ANAPC1: variants seen among roughly 807,000 people sequenced by gnomAD.
ANAPC1 encodes the protein anaphase-promoting complex subunit 1.
ANAPC1 carries 36 observed loss-of-function variants against 208.0 expected under a neutral mutation model. The observed-to-expected ratio is 0.17, with a 90% confidence interval of 0.13 to 0.23. The LOEUF (loss-of-function observed/expected upper bound fraction) is 0.23. Ranked by LOEUF, ANAPC1 falls within the 10% of genes least tolerant of loss-of-function variation. ANAPC1 has a pLI of 1.00. For missense variants in ANAPC1, 942 were observed against 2,011.6 expected (o/e 0.47, Z 10.17); for synonymous variants, 378 against 695.2 (o/e 0.54, Z 7.18).
intron 3 of ANAPC1, among the ~76,000 whole-genome samples, chr2:111,877,726 G>C (rs942896116): frequency 2.6e-5 from 4 of 152,198 alleles, no homozygotes; most frequent in Admixed American, 6.5e-5. Flanking sequence ...AGAGCTTGCA[G>C]TGAGCTGAGA....
intron 21 of ANAPC1, among the ~76,000 whole-genome samples, chr2:111,830,861 A>C (rs1323894953): frequency 6.6e-6 from 1 of 152,224 alleles, no homozygotes; most frequent in South Asian, 2.1e-4. Context: ...TATAAACTTA[A>C]CTATATGACC....
intron 18 of ANAPC1, among the ~76,000 whole-genome samples, chr2:111,837,871 C>A (rs866254341): frequency 1.3e-5 from 2 of 151,630 alleles, no homozygotes; most frequent in African/African-American, 4.8e-5. Flanking sequence ...GGTCACTTGA[C>A]GTCAGGAGTT....
At chr2:111,873,702 A>G (rs775276763) in intron 3 of ANAPC1, 38 bp from the exon 4 acceptor site, 2 of 1,541,040 alleles carry the variant, frequency 1.3e-6, no homozygotes, top group Non-Finnish European at 1.7e-6. Context: ...AGAAAATTAT[A>G]TCTAAATAAT....
chr2:111,879,687 A>G (rs1683197451), intron 2 of ANAPC1, among the ~76,000 whole-genome samples: 1 of 151,960 alleles, frequency 6.6e-6, no homozygotes, highest in African/African-American at 2.4e-5. Flanking sequence ...CCTGACCAAC[A>G]TGGAGAAATC....
chr2:111,868,007 A>T lies in ANAPC1; in HGVS notation c.685+16T>A. The T allele has an allele frequency of 1.9e-6, 3 of 1,551,064 alleles. No homozygotes were observed. The highest frequency in any genetic ancestry group is 2.6e-6 in the Non-Finnish European group (3 of 1,145,436). ...AAAAAAAGAGCTTATCTAAAAGAAT[A>T]TAGAAATACACTTACTTCCAGATTT... On this transcript the variant is annotated intron_variant, in intron 7 of 47. Transcript: ENST00000341068.
intron 13 of ANAPC1, 108 bp from the exon 14 acceptor site, chr2:111,851,018 G>A: frequency 7.6e-7 from 1 of 1,308,288 alleles, no homozygotes; most frequent in East Asian, 2.6e-5. Context: ...ATATTTCTAA[G>A]TTTATACTCA....
Position 111,878,925 on chromosome 2 carries a change from A to G in ANAPC1, c.260T>C (p.Val87Ala), listed in dbSNP as rs760187220. ...RKGVSEIGED[V>A]DYDEELYVAG... ...AACATAGAGTTCCTCATCATAGTCC[A>G]CATCTTCTCCAATTTCACTTACTCC... is the stretch of plus-strand genomic sequence containing the variant. Residue 87 changes from valine (V) to alanine (A), a missense_variant, in exon 3 of 48, where the codon GTG becomes GCG. Transcript: ENST00000341068. 1 of 1,587,396 alleles carries G rather than the reference A, an allele frequency of 6.3e-7. No individual in the cohort carries two copies. The highest frequency in any genetic ancestry group is 8.5e-7 in the Non-Finnish European group (1 of 1,172,516).
chr2:111,797,971 C>T (rs1354167033), intron 34 of ANAPC1, among the ~76,000 whole-genome samples: 2 of 126,016 alleles, frequency 1.6e-5, no homozygotes, highest in Non-Finnish European at 3.3e-5. Context: ...GAAAGCAGGT[C>T]TATCTGCGCC....
intron 2 of ANAPC1, among the ~76,000 whole-genome samples, chr2:111,880,228 T>C (rs1030857636): frequency 4.0e-5 from 6 of 151,260 alleles, no homozygotes; most frequent in Non-Finnish European, 5.9e-5. Flanking sequence ...ACAAAATTAG[T>C]AGGGGTGGTG....
chr2:111,784,242 C>T, intron 41 of ANAPC1, 81 bp downstream of exon 41: 1 of 1,612,182 alleles, frequency 6.2e-7, no homozygotes, highest in East Asian at 2.2e-5. Context: ...AAAGCTGAGG[C>T]TTTTATTTAG....
chr2:111,847,569 G>A (rs942604665), intron 15 of ANAPC1, among the ~76,000 whole-genome samples, 156 bp downstream of exon 15: 6 of 152,138 alleles, frequency 3.9e-5, no homozygotes, highest in Non-Finnish European at 7.3e-5. Flanking sequence ...CAGAATTACT[G>A]TATAGTAAAA....
intron 16 of ANAPC1, among the ~76,000 whole-genome samples, chr2:111,846,559 A>ATATATATAT (rs1553430004): frequency 6.5e-5 from 3 of 46,266 alleles, no homozygotes; most frequent in African/African-American, 2.4e-4. Flanking sequence ...ATATATATAT[A>ATATATATAT]TTTTTTTTTT....
intron 37 of ANAPC1, among the ~76,000 whole-genome samples, chr2:111,792,769 G>T (rs1573335980): frequency 6.6e-6 from 1 of 151,830 alleles, no homozygotes; most frequent in Admixed American, 6.6e-5. Flanking sequence ...CGGCTAACAT[G>T]GTGAAACCCC....
chr2:111,792,842 G>A (rs1210790713), intron 37 of ANAPC1, among the ~76,000 whole-genome samples: 4 of 152,072 alleles, frequency 2.6e-5, no homozygotes, highest in Admixed American at 2.0e-4. Context: ...GGTCCCAGCT[G>A]CTCGGGAGGC....
rs1682816783 is a variant in ANAPC1, at chr2:111,872,656, T to A, written c.585A>T (p.Ser195=). Residue 195 remains serine (S), a synonymous_variant, in exon 6 of 48, where the codon TCA becomes TCT. Coordinates refer to ENST00000341068, the MANE Select transcript of ANAPC1 (RefSeq NM_022662.4). The part of the protein sequence containing the change: ...YGLLFERSAS[S]HEVPPGSPRE... ...TGGGTGAACCTGGAGGTACTTCATG[T>A]GAAGAAGCGCTTCGTTCAAACAGCA... 1 of 1,613,492 alleles carries A rather than the reference T, an allele frequency of 6.2e-7. No individual in the cohort carries two copies. The highest frequency in any genetic ancestry group is 1.7e-5 in the Admixed American group (1 of 59,970).
intron 13 of ANAPC1, chr2:111,856,392 G>A: frequency 1.9e-6 from 1 of 534,184 alleles, no homozygotes; most frequent in Non-Finnish European, 3.4e-6. Flanking sequence ...TCTGTGACAG[G>A]TTTAGAGTAC....
chr2:111,801,673 A>G (rs899641137), intron 33 of ANAPC1, among the ~76,000 whole-genome samples: 3 of 151,654 alleles, frequency 2.0e-5, no homozygotes, highest in Non-Finnish European at 2.9e-5. Context: ...ACTATGGTTA[A>G]GTTAAAAATC....
chr2:111,867,489 G>A (rs1304217198), intron 7 of ANAPC1, among the ~76,000 whole-genome samples: 7 of 151,636 alleles, frequency 4.6e-5, no homozygotes, highest in African/African-American at 1.7e-4. Context: ...TCAGGAGTTC[G>A]ATACCAGCCT....
At chr2:111,848,349 T>C (rs1332592007) in intron 14 of ANAPC1, among the ~76,000 whole-genome samples, 1 of 149,436 alleles carries the variant, frequency 6.7e-6, no homozygotes, top group Non-Finnish European at 1.5e-5. Context: ...AGAGCCTTGC[T>C]TTTTCTGCTC....
Sources: gnomAD v4.1 joint callset for allele counts (sites outside exome capture counted in the v4.1 genomes callset) on GRCh38, gnomAD v4.1.1 for gene constraint, MANE v1.5 for transcripts, NCBI Gene and HGNC (gene_info 2026-07-23, HGNC 2026-07-21) for gene names.